MSMB: variants seen among roughly 807,000 people sequenced by gnomAD.
MSMB encodes microseminoprotein beta.
Under a neutral mutation model 10.5 loss-of-function variants are expected in MSMB, and 10 were observed. That is an observed-to-expected ratio of 0.95 (90% confidence interval 0.59 to 1.62). MSMB has a LOEUF of 1.62. MSMB is among the 40% of genes most tolerant of loss of function. The pLI, the probability that MSMB is intolerant of heterozygous loss-of-function variation, is 0.00. For missense variants in MSMB, 126 were observed against 137.4 expected (o/e 0.92, Z 0.42); for synonymous variants, 43 against 46.5 (o/e 0.93, Z 0.30).
chr10:46,033,424 A>T lies in MSMB; in HGVS notation c.343T>A (p.Ter115LysextTer?), dbSNP rs781785029. 11 of 1,613,446 alleles carry T rather than the reference A, an allele frequency of 6.8e-6. No homozygotes were observed. Among genetic ancestry groups the T allele is most frequent in the Admixed American group, 3.3e-5 (2 of 59,994 alleles). The change falls in exon 4 of 4, where the codon TAA becomes AAA. Residue 115 changes from the stop codon to lysine, a stop_lost. Transcript: ENST00000582163. ...KTCSVSEWII[*>K] ...GCCCTGTGCCTACTAGAAGCACATT[A>T]GATTATCCATTCACTGACAGAACAG...
chr10:46,043,631 C>G (rs1840802982), intron 1 of MSMB, among the ~76,000 whole-genome samples: 1 of 152,086 alleles, frequency 6.6e-6, no homozygotes, highest in African/African-American at 2.4e-5. Context: ...CTTTAATGTG[C>G]ATATAAATTC....
intron 3 of MSMB, among the ~76,000 whole-genome samples, chr10:46,035,726 T>C (rs1840586516): frequency 1.3e-5 from 2 of 152,166 alleles, no homozygotes; most frequent in African/African-American, 4.8e-5. Context: ...GAAATAGTGT[T>C]TATGGTTGCA....
chr10:46,041,703 G>T (rs1183627396), intron 1 of MSMB, among the ~76,000 whole-genome samples: 1 of 151,760 alleles, frequency 6.6e-6, no homozygotes, highest in Non-Finnish European at 1.5e-5. Flanking sequence ...CTGAGGTGGA[G>T]AATCACTTGA....
chr10:46,040,526 G>A (rs2132419719), intron 1 of MSMB, among the ~76,000 whole-genome samples: 1 of 152,298 alleles, frequency 6.6e-6, no homozygotes, highest in Non-Finnish European at 1.5e-5. Flanking sequence ...ATAGCCAAAT[G>A]CCCAACAGGC....
At chr10:46,035,916 T>C (rs1432713453) in intron 3 of MSMB, among the ~76,000 whole-genome samples, 1 of 152,234 alleles carries the variant, frequency 6.6e-6, no homozygotes, top group Non-Finnish European at 1.5e-5. Flanking sequence ...GAATCTGTGC[T>C]GCCTGTGTGC....
chr10:46,041,085 T>C (rs936262679), intron 1 of MSMB, among the ~76,000 whole-genome samples: 1 of 152,204 alleles, frequency 6.6e-6, no homozygotes, highest in Non-Finnish European at 1.5e-5. Flanking sequence ...GGCTCATGCC[T>C]GTAATCCTAG....
At position 46,033,551 on chromosome 10, in the gene MSMB, A is replaced by G. The variant is rs782625418; in HGVS notation, c.216T>C (p.Leu72=). The G allele has an allele frequency of 1.9e-6, 3 of 1,613,302 alleles. No homozygotes were observed. The highest frequency in any genetic ancestry group is 2.5e-6 in the Non-Finnish European group (3 of 1,179,310). ...TGTCATAACCCACAGGTGTAGAAAC[A>G]CTGTCATTGAGACAAAACTGGGGCC... ...CYETEISCCT[L]VSTPVGYDKD... Residue 72 remains leucine, a splice_region_variant and synonymous_variant, in exon 4 of 4, where the codon CTT becomes CTC. Transcript: ENST00000582163.
chr10:46,040,057 G>A lies in MSMB; in HGVS notation c.38C>T (p.Thr13Ile). 1 of 1,613,926 alleles carries A rather than the reference G, an allele frequency of 6.2e-7. No individual in the cohort carries two copies. The highest frequency in any genetic ancestry group is 2.2e-5 in the East Asian group (1 of 44,876). ...TGATGCATTGCATAAAGTCACGAAG[G>A]TGGCAAAGATCACAACGCTGCCCAG... The part of the protein sequence containing the change: ...VLLGSVVIFA[T>I]FVTLCNASCY... The change falls in exon 2 of 4, where the codon ACC (threonine) becomes ATC (isoleucine). Residue 13 changes from threonine to isoleucine, a missense_variant. Thr to Ile is a moderately conservative substitution (Grantham distance 89, BLOSUM62 -1). Transcript: ENST00000582163.
chr10:46,043,661 T>C (rs1347728419), intron 1 of MSMB, among the ~76,000 whole-genome samples: 2 of 152,082 alleles, frequency 1.3e-5, no homozygotes, highest in African/African-American at 4.8e-5. Flanking sequence ...TTTTTTGTTT[T>C]GTTTTGTTTG....
intron 2 of MSMB, 34 bp downstream of exon 2, chr10:46,039,952 A>G: frequency 6.6e-7 from 1 of 1,521,020 alleles, no homozygotes; most frequent in Non-Finnish European, 9.1e-7. Context: ...CCAGGCTGCA[A>G]TAACATAATA....
intron 3 of MSMB, among the ~76,000 whole-genome samples, chr10:46,037,410 AG>A (rs1554927687): frequency 6.6e-6 from 1 of 152,170 alleles, no homozygotes. Context: ...CTACATGAAG[AG>A]GTTAGATGGA....
At chr10:46,041,344 CAA>C (rs60728604) in intron 1 of MSMB, among the ~76,000 whole-genome samples, 10 of 96,602 alleles carry the variant, frequency 1.0e-4, no homozygotes, top group South Asian at 3.9e-4. Context: ...GACTCCGTCT[CAA>C]AAAAAAAAAA....
Position 46,039,976 on chromosome 10 carries a change from C to T in MSMB, c.109+10G>A. 6.2e-7 allele frequency: 1 copy of T among 1,606,448 alleles called. No homozygotes were observed. The highest frequency in any genetic ancestry group is 8.5e-7 in the Non-Finnish European group (1 of 1,173,306). ...AATAACATAATAAACATTGAAAAGC[C>T]AAGACTTACTCCTGGTTGAATCTCC... On this transcript the variant is annotated intron_variant, in intron 2 of 3. Coordinates refer to ENST00000582163, the MANE Select transcript of MSMB (RefSeq NM_002443.4).
At chr10:46,045,982 T>C (rs1180805498) in intron 1 of MSMB, among the ~76,000 whole-genome samples, 13 of 152,194 alleles carry the variant, frequency 8.5e-5, no homozygotes, top group Non-Finnish European at 1.6e-4. Flanking sequence ...TGAAATCTAA[T>C]TGAACCCCAG....
At chr10:46,041,276 C>CG (rs1343304663) in intron 1 of MSMB, among the ~76,000 whole-genome samples, 4 of 141,302 alleles carry the variant, frequency 2.8e-5, no homozygotes, top group Admixed American at 7.6e-5. Flanking sequence ...GCCTGGGAGG[C>CG]GGAGGTTGCA....
At chr10:46,035,807 A>G (rs1840588224) in intron 3 of MSMB, among the ~76,000 whole-genome samples, 1 of 152,168 alleles carries the variant, frequency 6.6e-6, no homozygotes, top group Admixed American at 6.5e-5. Context: ...CATTTTATGT[A>G]GTATACATTT....
intron 1 of MSMB, among the ~76,000 whole-genome samples, chr10:46,043,923 C>T (rs1368086634): frequency 1.3e-5 from 2 of 151,552 alleles, no homozygotes; most frequent in Admixed American, 1.3e-4. Context: ...GATCCGCCCG[C>T]CTCGGCCTCC....
Position 46,033,399 on chromosome 10 carries a change from G to A in MSMB, c.*23C>T. On this transcript the variant is annotated 3_prime_UTR_variant, in exon 4 of 4. Transcript: ENST00000582163. ...GAGGAGAATGAGGCCTGGCCTGGGA[G>A]CCCTGTGCCTACTAGAAGCACATTA... The A allele has an allele frequency of 6.2e-6, 10 of 1,612,368 alleles. No homozygotes were observed. Among genetic ancestry groups the A allele is most frequent in the Non-Finnish European group, 8.5e-6 (10 of 1,178,780 alleles).
chr10:46,046,060 C>T (rs1840889087), intron 1 of MSMB, among the ~76,000 whole-genome samples, 175 bp downstream of exon 1: 1 of 152,198 alleles, frequency 6.6e-6, no homozygotes, highest in African/African-American at 2.4e-5. Context: ...TTACAATTTT[C>T]GCAAGCTCTC....
Sources: gnomAD v4.1 joint callset for allele counts (sites outside exome capture counted in the v4.1 genomes callset) on GRCh38, gnomAD v4.1.1 for gene constraint, MANE v1.5 for transcripts, NCBI Gene and HGNC (gene_info 2026-07-23, HGNC 2026-07-21) for gene names.